Variants in PASK observed in about 807,000 individuals in gnomAD.
PASK encodes PAS domain-containing serine/threonine-protein kinase.
In PASK, 110 loss-of-function variants were observed where a neutral mutation model predicts 121.0. The ratio of observed to expected loss-of-function variants is 0.91; its 90% CI spans 0.78 to 1.06. The LOEUF (loss-of-function observed/expected upper bound fraction) is 1.06. Ranked by LOEUF, PASK falls within the 50% of genes least tolerant of loss-of-function variation. PASK has a pLI of 0.00. For missense variants in PASK, 1,643 were observed against 1,702.3 expected (o/e 0.97, Z 0.61); for synonymous variants, 686 against 717.8 (o/e 0.96, Z 0.71).
Position 241,108,247 on chromosome 2 carries a change from AG to A in PASK, c.3586del (p.Leu1196TrpfsTer30). On this transcript the variant is annotated frameshift_variant, in exon 16 of 18. Coordinates refer to ENST00000234040, the MANE Select transcript of PASK (RefSeq NM_015148.4). LOFTEE classifies it high-confidence loss of function. The surrounding 1 kb of genome is among the most constrained non-coding windows in gnomAD (Gnocchi z 5.2). ...MWSLGVTLYTLVFEENPFCEL... is the reference protein window; with the variant it reads ...MWSLGVTLYTXVFEENPFCEL... ...ACAGAAGGGGTTCTCCTCAAAGACC[AG>A]CGTGTACAGAGTGACTCCCAGAGAC... The A allele has an allele frequency of 6.2e-7, 1 of 1,613,932 alleles. No individual in the cohort carries two copies.
intron 5 of PASK, 45 bp from the exon 6 acceptor site, chr2:241,138,132 C>T: frequency 1.2e-6 from 2 of 1,606,620 alleles, no homozygotes; most frequent in Non-Finnish European, 1.7e-6. Flanking sequence ...TCTTGTGCTC[C>T]AGCTGTAAAT....
rs139795395 is a variant in PASK, at chr2:241,138,269, C to T, written c.742-182G>A. On this transcript the variant is annotated intron_variant, in intron 5 of 17. Transcript: ENST00000234040. ...ATCATCTGTCTCCTTCTACCAGAGA[C>T]GTACCTAAATTGTGGGCCTTCTTGT... is the stretch of plus-strand genomic sequence containing the variant. 2.4e-3 allele frequency among the ~76,000 whole-genome samples: 361 copies of T among 152,342 alleles called. 1 individual carries two copies. The highest frequency in any genetic ancestry group is 8.4e-3 in the African/African-American group (348 of 41,580).
chr2:241,127,250 A>T lies in PASK; in HGVS notation c.1665T>A (p.Ala555=). 2 of 1,614,136 alleles carry T rather than the reference A, an allele frequency of 1.2e-6. No homozygotes were observed. The highest frequency in any genetic ancestry group is 2.7e-5 in the African/African-American group (2 of 75,060). ...TGCCAGCATCACTGCCCCCATCCTCAGCTGGGACTGGAGCTTCAGAATCTT... is the reference window on the plus strand; with the variant it reads ...TGCCAGCATCACTGCCCCCATCCTCTGCTGGGACTGGAGCTTCAGAATCTT... The part of the protein sequence containing the change: ...SCEDSEAPVP[A]EDGGSDAGMC... Residue 555 remains alanine (A), a synonymous_variant, in exon 10 of 18, where the codon GCT becomes GCA. Transcript: ENST00000234040.
At chr2:241,122,587 C>T (rs1042024894) in intron 12 of PASK, 145 bp downstream of exon 12, 30 of 784,588 alleles carry the variant, frequency 3.8e-5, no homozygotes, top group African/African-American at 2.1e-4. Flanking sequence ...TCTTTGAATC[C>T]GGAAACCGCC....
intron 17 of PASK, 58 bp downstream of exon 17, chr2:241,107,295 G>C (rs1299540237): frequency 9.3e-6 from 14 of 1,501,224 alleles, no homozygotes; most frequent in Admixed American, 3.3e-5. Context: ...AGGCAGCCTG[G>C]GGACCTCGTT....
chr2:241,131,718 T>G (rs1575303711), intron 9 of PASK, among the ~76,000 whole-genome samples: 1 of 152,104 alleles, frequency 6.6e-6, no homozygotes, highest in Admixed American at 6.5e-5. Flanking sequence ...CTGGGCCACC[T>G]GGGCACCTAC....
In PASK at chr2:241,112,458, A is replaced by AG. The variant is rs771666257; in HGVS notation, c.3334-20dup. On this transcript the variant is annotated intron_variant, in intron 14 of 17. Transcript: ENST00000234040. This position sits in a 1 kb window ranked among gnomAD's most constrained non-coding sequence, Gnocchi z 5.2. ...ACACTAGCTGGAATCAGGAGGCCAG[A>AG]GGGGGCTTTTTAAAAAAGCAATTCA... 16 of 1,575,186 alleles carry AG rather than the reference A, an allele frequency of 1.0e-5. No homozygotes were observed. Among genetic ancestry groups the AG allele is most frequent in the Non-Finnish European group, 1.4e-5 (16 of 1,150,656 alleles).
intron 14 of PASK, chr2:241,114,331 G>A (rs371056539): frequency 6.4e-5 from 63 of 985,284 alleles, no homozygotes; most frequent in South Asian, 9.4e-5. Flanking sequence ...ATTAGAAATC[G>A]AGTTGTCCCC....
At chr2:241,136,705 G>C (rs1219728897) in intron 7 of PASK, among the ~76,000 whole-genome samples, 1 of 152,230 alleles carries the variant, frequency 6.6e-6, no homozygotes. Context: ...ACTAGGGTGA[G>C]AAATGAACCC....
intron 15 of PASK, among the ~76,000 whole-genome samples, chr2:241,110,866 C>A (rs1390762438): frequency 1.3e-5 from 2 of 152,212 alleles, no homozygotes; most frequent in East Asian, 3.9e-4. Context: ...CTTAGACCAA[C>A]CCCCTTCGAT....
intron 10 of PASK, among the ~76,000 whole-genome samples, chr2:241,125,559 T>C (rs564281760): frequency 3.2e-4 from 44 of 137,308 alleles, no homozygotes; most frequent in African/African-American, 1.2e-3. Flanking sequence ...GAGATCGCGC[T>C]ACTGCACTCC....
chr2:241,149,583 G>C (rs889871451), upstream of PASK: 199 of 1,447,394 alleles, frequency 1.4e-4, no homozygotes, highest in Admixed American at 7.8e-4. Context: ...CTAGAAGCCC[G>C]CGCTAAGGGT....
intron 3 of PASK, 125 bp downstream of exon 3, chr2:241,140,396 A>G: frequency 1.3e-6 from 1 of 786,210 alleles, no homozygotes; most frequent in South Asian, 1.5e-5. Context: ...GGGCTCAAGC[A>G]AACTTCCCAC....
chr2:241,117,294 T>G (rs114276690), intron 12 of PASK, among the ~76,000 whole-genome samples: 1 of 151,724 alleles, frequency 6.6e-6, no homozygotes. Flanking sequence ...AGGCCAGAAG[T>G]GAGACTGAGG....
Position 241,124,084 on chromosome 2 carries a change from CAG to C in PASK, c.2767_2768del (p.Leu923ValfsTer37). 6.2e-7 allele frequency: 1 copy of C among 1,613,742 alleles called. No individual in the cohort carries two copies. Among genetic ancestry groups the C allele is most frequent in the South Asian group, 1.1e-5 (1 of 91,054 alleles). On this transcript the variant is annotated frameshift_variant, in exon 11 of 18. Coordinates refer to ENST00000234040, the MANE Select transcript of PASK (RefSeq NM_015148.4). LOFTEE classifies it high-confidence loss of function. ...RRVELQGPTP[L>X]FCCWLVKDLL... ...GGTCTTTCACCAGCCAGCAGCAGAA[CAG>C]AGGTGTGGGGCCCTGGAGCTCCACC...
chr2:241,126,368 G>A lies in PASK; in HGVS notation c.2547C>T (p.Ser849=), dbSNP rs2065864002. ...TGTCCTCAGGGCCAGCATCCAACGT[G>A]GAAGGAACGTGTCCTGGGCTTTCTC... ...SDRESPGHVP[S]TLDAGPEDTC... Residue 849 remains serine (S), a synonymous_variant, in exon 10 of 18, where the codon TCC becomes TCT. Transcript: ENST00000234040. 6 of 1,614,126 alleles carry A rather than the reference G, an allele frequency of 3.7e-6. No individual in the cohort carries two copies. The highest frequency in any genetic ancestry group is 5.1e-6 in the Non-Finnish European group (6 of 1,180,048).
At chr2:241,106,845 G>T in intron 17 of PASK, 122 bp from the exon 18 acceptor site, 1 of 959,108 alleles carries the variant, frequency 1.0e-6, no homozygotes, top group Non-Finnish European at 1.6e-6. Context: ...AAATCCAACT[G>T]GCAATGTCCC....
At chr2:241,123,171 CTTCTTT>C (rs1222073869) in intron 11 of PASK, among the ~76,000 whole-genome samples, 13 of 139,860 alleles carry the variant, frequency 9.3e-5, no homozygotes, top group East Asian at 4.7e-4. Flanking sequence ...TTTAAAGTGG[CTTCTTT>C]TTTTTTTTTT....
At position 241,131,814 on chromosome 2, in the gene PASK, G is replaced by C. The variant is rs193022661; in HGVS notation, c.1463+1060C>G. ...CTCACACCTGTAATCCCAGGACTTT[G>C]GGAGGCCAAGGCGGGTGGACCATGA... On this transcript the variant is annotated intron_variant, in intron 9 of 17. Transcript: ENST00000234040. Among the ~76,000 whole-genome samples the C allele has an allele frequency of 2.2e-4, 33 of 152,272 alleles. No homozygotes were observed. The East Asian group carries it at 6.4e-3, about 29-fold the overall frequency.
Sources: allele counts gnomAD v4.1 joint callset (sites outside exome capture counted in the v4.1 genomes callset), GRCh38; gene constraint gnomAD v4.1.1; non-coding constraint Gnocchi (gnomAD v3.1); transcripts MANE v1.5; gene names NCBI Gene and HGNC (gene_info 2026-07-23, HGNC 2026-07-21).